TCF20: variants seen among roughly 807,000 people sequenced by gnomAD.
TCF20 encodes the protein transcription factor 20.
In TCF20, 3 loss-of-function variants were observed where a neutral mutation model predicts 148.6. That is an observed-to-expected ratio of 0.02 (90% confidence interval 0.01 to 0.05). The LOEUF (loss-of-function observed/expected upper bound fraction) is 0.05. Ranked by LOEUF, TCF20 falls within the 10% of genes least tolerant of loss-of-function variation. TCF20 has a pLI of 1.00. For missense variants in TCF20, 2,350 were observed against 2,429.3 expected, an observed-to-expected ratio of 0.97 and a Z score of 0.69; for synonymous variants, 1,049 against 909.5, an observed-to-expected ratio of 1.15 and a Z score of -2.76.
At chr22:42,284,321 A>G (rs1285883267), upstream of TCF20, among the ~76,000 whole-genome samples, 1 of 152,280 alleles carries the variant, frequency 6.6e-6, no homozygotes, top group African/African-American at 2.4e-5. Context: ...AACGCCCACC[A>G]CAGGTGAGAA....
intron 1 of TCF20, among the ~76,000 whole-genome samples, chr22:42,343,062 T>G (rs1211551508): frequency 1.3e-5 from 2 of 151,696 alleles, no homozygotes; most frequent in Non-Finnish European, 1.5e-5. Context: ...AATGGATGAT[T>G]TTTTTTTCTT....
At position 42,160,722 on chromosome 22, in the gene TCF20, C is replaced by T. The variant is rs1935393403; in HGVS notation, c.*681G>A. On this transcript the variant is annotated 3_prime_UTR_variant, in exon 6 of 6. Coordinates refer to ENST00000677622, the MANE Select transcript of TCF20 (RefSeq NM_001378418.1). ...TGTGTTTAAACATCATTCCCCTACT[C>T]TTGAAAACATGGACCATCCCTGTAT... 1.3e-5 allele frequency: 2 copies of T among 152,288 alleles called. No homozygotes were observed. The allele number at this position is 152,288 out of a possible 1,614,324, so 9.4% of individuals were successfully genotyped here.
chr22:42,174,951 C>T lies in TCF20; in HGVS notation c.5749+4658G>A, dbSNP rs181745830. Among the ~76,000 whole-genome samples, 405 of 151,678 alleles carry T rather than the reference C, an allele frequency of 2.7e-3. 2 individuals are homozygous for T. Among genetic ancestry groups the T allele is most frequent in the African/African-American group, 9.1e-3 (377 of 41,364 alleles). On this transcript the variant is annotated intron_variant, in intron 3 of 5. Transcript: ENST00000677622. ...TGGGGCGGCTGAGGCAGGAGAATGG[C>T]GTGAACCCGGGAGGCGGAGCTTGCA... is the stretch of plus-strand genomic sequence containing the variant.
chr22:42,209,873 T>C lies in TCF20; in HGVS notation c.5433A>G (p.Ala1811=), dbSNP rs746140583. The part of the protein sequence containing the change: ...SLSRGLPCKK[A]ATEGSSEKTV... The stretch of plus-strand genomic sequence containing the variant: ...TCTTTTCACTGCTGCCCTCAGTGGC[T>C]GCTTTTTTACAAGGGAGCCCCCTGG... Residue 1811 remains alanine (A), a synonymous_variant, in exon 2 of 6, where the codon GCA becomes GCG. Coordinates refer to ENST00000677622, the MANE Select transcript of TCF20 (RefSeq NM_001378418.1). 3 of 1,614,206 alleles carry C rather than the reference T, an allele frequency of 1.9e-6. No homozygotes were observed. The highest frequency in any genetic ancestry group is 2.5e-6 in the Non-Finnish European group (3 of 1,180,036).
chr22:42,184,368 A>C (rs1569115533), intron 2 of TCF20, among the ~76,000 whole-genome samples: 1 of 152,112 alleles, frequency 6.6e-6, no homozygotes, highest in Non-Finnish European at 1.5e-5. Context: ...CCAACATTTG[A>C]AAAGTACTTT....
chr22:42,169,655 G>C (rs1936000439), intron 4 of TCF20, among the ~76,000 whole-genome samples, 192 bp downstream of exon 4: 1 of 152,116 alleles, frequency 6.6e-6, no homozygotes, highest in African/African-American at 2.4e-5. Context: ...TCCGAGTGCT[G>C]GCCCCCATGC....
At chr22:42,215,643 T>C (rs536860747) in intron 1 of TCF20, among the ~76,000 whole-genome samples, 51 of 152,226 alleles carry the variant, frequency 3.4e-4, no homozygotes, top group Admixed American at 2.7e-3. Flanking sequence ...GGCTAATTTT[T>C]TGTATTTTTA....
chr22:42,190,168 C>T (rs1937256525), intron 2 of TCF20, among the ~76,000 whole-genome samples: 1 of 152,112 alleles, frequency 6.6e-6, no homozygotes, highest in South Asian at 2.1e-4. Context: ...GGCAAAATAA[C>T]CTGAACAGGG....
chr22:42,311,114 G>A (rs1239047307), intron 1 of TCF20, among the ~76,000 whole-genome samples: 1 of 152,320 alleles, frequency 6.6e-6, no homozygotes, highest in Middle Eastern at 3.4e-3. Context: ...GGGACAGGGG[G>A]GTGGCCAGGC....
At chr22:42,262,619 A>C (rs896531562) in intron 1 of TCF20, among the ~76,000 whole-genome samples, 1 of 152,066 alleles carries the variant, frequency 6.6e-6, no homozygotes, top group Non-Finnish European at 1.5e-5. Flanking sequence ...AAGCCTGGGG[A>C]GATCAGAGAT....
chr22:42,168,004 G>C (rs1935894533), intron 5 of TCF20, among the ~76,000 whole-genome samples: 1 of 151,884 alleles, frequency 6.6e-6, no homozygotes. Context: ...TGGCATTACA[G>C]GTATGAGCCA....
rs1927113116 is a variant in TCF20 at position 42,290,467 on chromosome 22, G to C, written c.-37+53012C>G. ...GGGAGGCTGGGTCAGCTGTGGGTGT[G>C]ACCAGGCCATGGAGCGGGCAGGCTG... is the stretch of plus-strand genomic sequence containing the variant. On this transcript the variant is annotated intron_variant, in intron 1 of 1. Transcript: ENST00000515426. This position sits in a 1 kb window ranked among gnomAD's most constrained non-coding sequence, Gnocchi z 4.2. Among the ~76,000 whole-genome samples the C allele has an allele frequency of 6.6e-6, 1 of 152,200 alleles. No homozygotes were observed. Among genetic ancestry groups the C allele is most frequent in the African/African-American group, 2.4e-5 (1 of 41,444 alleles).
intron 1 of TCF20, 49 bp from the exon 2 acceptor site, chr22:42,215,390 A>G: frequency 6.6e-7 from 1 of 1,509,894 alleles, no homozygotes; most frequent in Non-Finnish European, 8.8e-7. Flanking sequence ...CCTTGGTACA[A>G]ATAAAATCAA....
In TCF20 at chr22:42,209,762, G is replaced by C; in HGVS notation, c.5544C>G (p.Asp1848Glu). Reference protein sequence around the residue: ...LELQIPELPLDSNEFWVHEGC... With the variant: ...LELQIPELPLESNEFWVHEGC... ...CCTCATGGACCCAAAATTCATTGCT[G>C]TCAAGAGGTAGTTCAGGGATTTGTA... Residue 1848 changes from aspartate (D) to glutamate (E), a missense_variant, in exon 2 of 6, where the codon GAC becomes GAG. By Grantham distance (45) the Asp-to-Glu change is conservative. This residue lies in a region of TCF20 where 374 missense variants were observed against 398.3 expected (regional missense o/e 0.94). Coordinates refer to ENST00000677622, the MANE Select transcript of TCF20 (RefSeq NM_001378418.1). The C allele has an allele frequency of 1.2e-6, 2 of 1,614,174 alleles. No homozygotes were observed. Among genetic ancestry groups the C allele is most frequent in the Non-Finnish European group, 1.7e-6 (2 of 1,180,028 alleles).
At chr22:42,198,284 A>G (rs1190705691) in intron 2 of TCF20, among the ~76,000 whole-genome samples, 1 of 152,224 alleles carries the variant, frequency 6.6e-6, no homozygotes, top group East Asian at 1.9e-4. Context: ...CTGGACCTCA[A>G]ATCTCACCTG....
intron 1 of TCF20, among the ~76,000 whole-genome samples, chr22:42,282,705 G>A (rs566237763): frequency 7.9e-5 from 12 of 152,332 alleles, no homozygotes; most frequent in East Asian, 1.9e-4. Flanking sequence ...GAGGGAGGCC[G>A]GAGAGCTGGG....
At chr22:42,187,705 C>T (rs774653007) in intron 2 of TCF20, among the ~76,000 whole-genome samples, 10 of 152,192 alleles carry the variant, frequency 6.6e-5, no homozygotes, top group Middle Eastern at 3.2e-3. Context: ...TGATGTTTTC[C>T]ATCAGGTTAG....
At chr22:42,180,995 C>A (rs1181593297) in intron 2 of TCF20, among the ~76,000 whole-genome samples, 1 of 152,216 alleles carries the variant, frequency 6.6e-6, no homozygotes, top group African/African-American at 2.4e-5. Context: ...TGTGCCCTCG[C>A]ACCCTTGTTA....
intron 1 of TCF20, among the ~76,000 whole-genome samples, chr22:42,269,416 G>A (rs901192239): frequency 6.6e-6 from 1 of 152,116 alleles, no homozygotes; most frequent in Non-Finnish European, 1.5e-5. Flanking sequence ...CACAAAAACA[G>A]ACAATAATCC....
Sources: gnomAD v4.1 joint callset for allele counts (sites outside exome capture counted in the v4.1 genomes callset) on GRCh38, gnomAD v4.1.1 for gene constraint, gnomAD v4.1.1 regional missense constraint, Gnocchi (gnomAD v3.1) non-coding constraint, MANE v1.5 for transcripts, NCBI Gene and HGNC (gene_info 2026-07-23, HGNC 2026-07-21) for gene names.